The following PIWIL1 variants were observed in gnomAD, a reference collection of about 807,000 sequenced individuals.
PIWIL1 encodes the protein piwi-like protein 1.
Under a neutral mutation model 114.4 loss-of-function variants are expected in PIWIL1, and 73 were observed. The ratio of observed to expected loss-of-function variants is 0.64; its 90% CI spans 0.53 to 0.78. PIWIL1 has a LOEUF of 0.78. PIWIL1 is among the 30% of genes least tolerant of loss of function. PIWIL1 has a pLI of 0.00. For synonymous variants in PIWIL1, 375 were observed against 369.0 expected (o/e 1.02, Z -0.19); for missense variants, 723 against 1,063.1 (o/e 0.68, Z 4.45).
chr12:130,407,009 G>A, the PIWIL1 span, among the ~76,000 whole-genome samples: 18 of 152,150 alleles, frequency 1.2e-4, no homozygotes, highest in South Asian at 2.1e-4. Flanking sequence ...TGTCAAACAC[G>A]CCCCACTGCC....
At chr12:130,399,009 CTTT>C in the PIWIL1 span, 277 of 418,912 alleles carry the variant, frequency 6.6e-4, no homozygotes, top group East Asian at 9.3e-4. Flanking sequence ...TTCTTTGTAT[CTTT>C]TTTTTTTTTT....
At chr12:130,366,868 A>G (rs2073674058) in intron 18 of PIWIL1, among the ~76,000 whole-genome samples, 1 of 152,174 alleles carries the variant, frequency 6.6e-6, no homozygotes, top group Admixed American at 6.5e-5. Flanking sequence ...TGTGATTGGT[A>G]TGTAATGTGT....
the PIWIL1 span, among the ~76,000 whole-genome samples, chr12:130,389,901 GCTCT>G: frequency 2.0e-5 from 3 of 151,884 alleles, no homozygotes; most frequent in South Asian, 2.1e-4. Context: ...TTGTAATCCA[GCTCT>G]CTCTCTCTAT....
chr12:130,342,791 C>A, intron 2 of PIWIL1, 122 bp downstream of exon 2: 1 of 798,386 alleles, frequency 1.3e-6, no homozygotes, highest in South Asian at 1.6e-5. Context: ...GGAGATCATG[C>A]CCTGTTTCCT....
intron 13 of PIWIL1, 120 bp downstream of exon 13, chr12:130,357,225 A>G (rs2073387436): frequency 2.5e-6 from 2 of 806,690 alleles, no homozygotes; most frequent in African/African-American, 3.5e-5. Context: ...GCTCCCTGTA[A>G]TGCAGATAAA....
intron 18 of PIWIL1, among the ~76,000 whole-genome samples, chr12:130,364,497 G>C (rs895226138): frequency 3.7e-4 from 57 of 152,216 alleles, no homozygotes; most frequent in Non-Finnish European, 1.6e-4. Flanking sequence ...TGCCGTGAAG[G>C]TCTCAGAGAA....
chr12:130,345,695 A>G, intron 3 of PIWIL1, 58 bp from the exon 4 acceptor site: 25 of 1,590,284 alleles, frequency 1.6e-5, no homozygotes, highest in Non-Finnish European at 2.1e-5. Flanking sequence ...ATGGGAGTTA[A>G]TATTGTCATC....
chr12:130,386,480 C>T, the PIWIL1 span, among the ~76,000 whole-genome samples: 4 of 69,576 alleles, frequency 5.7e-5, no homozygotes, highest in East Asian at 4.6e-4. Context: ...ACTACCCCTT[C>T]CTGTCTCCAT....
intron 1 of PIWIL1, among the ~76,000 whole-genome samples, chr12:130,339,296 C>G (rs539722753): frequency 6.6e-6 from 1 of 152,268 alleles, no homozygotes; most frequent in African/African-American, 2.4e-5. Flanking sequence ...ATGCTCTCGC[C>G]GTCTTCAGCC....
the PIWIL1 span, chr12:130,399,787 A>G: frequency 6.2e-7 from 1 of 1,614,228 alleles, no homozygotes; most frequent in African/African-American, 1.3e-5. Context: ...TTGAGGGCAC[A>G]AGGCCTTTCT....
chr12:130,413,752 CTTCCCTTT>C, the PIWIL1 span, among the ~76,000 whole-genome samples: 2 of 151,928 alleles, frequency 1.3e-5, no homozygotes, highest in African/African-American at 4.8e-5. Flanking sequence ...ATGCTCCCTT[CTTCCCTTT>C]TTCCCTCCCT....
chr12:130,403,103 C>T, the PIWIL1 span, among the ~76,000 whole-genome samples: 34 of 152,160 alleles, frequency 2.2e-4, no homozygotes, highest in South Asian at 4.2e-3. Context: ...ATATTAGGAC[C>T]GGTGGAGTAT....
chr12:130,349,646 CT>C (rs1416135946), intron 8 of PIWIL1, among the ~76,000 whole-genome samples: 1 of 152,150 alleles, frequency 6.6e-6, no homozygotes, highest in East Asian at 1.9e-4. Flanking sequence ...GATTTTTATC[CT>C]TTTAAATTAT....
the PIWIL1 span, chr12:130,424,081 T>C: frequency 3.3e-6 from 3 of 915,278 alleles, no homozygotes; most frequent in Non-Finnish European, 4.3e-6. The surrounding 1 kb of genome is among the most constrained non-coding windows in gnomAD (Gnocchi z 9.8). Context: ...AGAAAACCAG[T>C]GAAAGGATGG....
the PIWIL1 span, among the ~76,000 whole-genome samples, chr12:130,405,184 C>T: frequency 6.6e-6 from 1 of 151,988 alleles, no homozygotes; most frequent in African/African-American, 2.4e-5. Flanking sequence ...TAATAAACAA[C>T]AAAAATGGAG....
intron 14 of PIWIL1, among the ~76,000 whole-genome samples, chr12:130,360,390 C>G (rs2073475531): frequency 1.3e-5 from 2 of 152,122 alleles, no homozygotes; most frequent in African/African-American, 2.4e-5. Flanking sequence ...AATCCCAGCA[C>G]TTTGGGAGGC....
At chr12:130,363,868 T>G (rs2136184775) in intron 18 of PIWIL1, among the ~76,000 whole-genome samples, 1 of 152,270 alleles carries the variant, frequency 6.6e-6, no homozygotes, top group Admixed American at 6.5e-5. Flanking sequence ...TCCACCCATC[T>G]TGGCCTCCTA....
chr12:130,347,763 A>G (rs1303861767), intron 6 of PIWIL1, among the ~76,000 whole-genome samples: 1 of 139,300 alleles, frequency 7.2e-6, no homozygotes, highest in East Asian at 2.1e-4. Flanking sequence ...AAGCCATGTC[A>G]TCTCTTGGCA....
At chr12:130,424,678 T>C in the PIWIL1 span, 1 of 1,231,842 alleles carries the variant, frequency 8.1e-7, no homozygotes, top group Non-Finnish European at 1.0e-6. The surrounding 1 kb of genome is among the most constrained non-coding windows in gnomAD (Gnocchi z 9.8). Flanking sequence ...CTGGGCTCTC[T>C]GGCCAGCCCC....
Sources: gnomAD v4.1 joint callset for allele counts (sites outside exome capture counted in the v4.1 genomes callset) on GRCh38, gnomAD v4.1.1 for gene constraint, Gnocchi (gnomAD v3.1) non-coding constraint, MANE v1.5 for transcripts, NCBI Gene and HGNC (gene_info 2026-07-23, HGNC 2026-07-21) for gene names.